POTEF: variants seen among roughly 807,000 people sequenced by gnomAD.
POTEF encodes the protein ANKRD26-like family C member 1B.
POTEF carries 20 observed loss-of-function variants against 83.2 expected under a neutral mutation model. The observed-to-expected ratio is 0.24, with a 90% CI of 0.17 to 0.35. The LOEUF (loss-of-function observed/expected upper bound fraction) is 0.35, where lower values mean the gene tolerates loss of function less well. POTEF is among the 10% of genes least tolerant of loss of function. POTEF has a pLI of 1.00. For synonymous variants in POTEF, 196 were observed against 446.4 expected (o/e 0.44, Z 7.07); for missense variants, 550 against 1,203.2 (o/e 0.46, Z 8.03).
intron 5 of POTEF, among the ~76,000 whole-genome samples, chr2:130,113,222 A>G (rs1302677839): frequency 6.2e-5 from 4 of 64,982 alleles, no homozygotes; most frequent in Admixed American, 1.8e-4. Flanking sequence ...ATCTCTACTG[A>G]AAAAAAAAAA....
intron 8 of POTEF, chr2:130,107,660 G>A (rs1287530213): frequency 8.9e-5 from 28 of 316,364 alleles, no homozygotes; most frequent in Non-Finnish European, 1.5e-4. Context: ...GAACCCTGTT[G>A]TGAACTGCCC....
chr2:130,104,309 A>G lies in POTEF; in HGVS notation c.1127-2129T>C, dbSNP rs576631710. Among the ~76,000 whole-genome samples the G allele has an allele frequency of 3.4e-4, 49 of 143,202 alleles. 1 individual carries two copies. Among genetic ancestry groups the G allele is most frequent in the Admixed American group, 2.9e-3 (41 of 14,240 alleles). The allele number at this position is 143,202 out of a possible 152,430, so 93.9% of individuals were successfully genotyped here. A position where few individuals can be genotyped will look rare whatever the true frequency, so the allele number is the denominator to read the frequency against. ...CAGAGCTGTGACAATAAAGCAAAGAAACCACATTGTGTTTGAGTCAGCAAT... is the reference window on the plus strand; with the variant it reads ...CAGAGCTGTGACAATAAAGCAAAGAGACCACATTGTGTTTGAGTCAGCAAT... On this transcript the variant is annotated intron_variant, in intron 8 of 16. Transcript: ENST00000409914.
chr2:130,119,132 T>C (rs1684927037), intron 3 of POTEF, among the ~76,000 whole-genome samples: 1 of 151,544 alleles, frequency 6.6e-6, no homozygotes, highest in African/African-American at 2.4e-5. Context: ...TTATTTGGCT[T>C]AGGTAAAAGT....
rs57173649 is a variant in POTEF, at chr2:130,127,324, CAAAAAA to C, written c.-94+379_-94+384del. Among the ~76,000 whole-genome samples, 7 of 12,448 alleles carry C rather than the reference CAAAAAA, an allele frequency of 5.6e-4. No homozygotes were observed. In the East Asian group the frequency reaches 0.019, roughly 35 times the overall value. The allele number at this position is 12,448 out of a possible 152,430, so 8.2% of individuals were successfully genotyped here. On this transcript the variant is annotated intron_variant, in intron 2 of 16. Coordinates refer to ENST00000409914, the MANE Select transcript of POTEF (RefSeq NM_001099771.2). ...TGGGCAAAAGAGCGAGACTCTGTCT[CAAAAAA>C]AAAAAAAAAAAAAAAAAAAAAGCCA...
chr2:130,110,376 C>G (rs981660754), intron 7 of POTEF, among the ~76,000 whole-genome samples, 167 bp downstream of exon 7: 1 of 151,128 alleles, frequency 6.6e-6, no homozygotes, highest in African/African-American at 2.5e-5. Context: ...TCTAACTTGT[C>G]TTGCTTTTTG....
intron 2 of POTEF, among the ~76,000 whole-genome samples, chr2:130,127,046 G>A (rs1160651330): frequency 6.6e-6 from 1 of 151,976 alleles, no homozygotes; most frequent in Non-Finnish European, 1.5e-5. Context: ...AAATGGCCGG[G>A]AGTGGTGGCT....
chr2:130,105,368 C>T (rs1478267879), intron 8 of POTEF, among the ~76,000 whole-genome samples: 1 of 151,384 alleles, frequency 6.6e-6, no homozygotes, highest in African/African-American at 2.4e-5. Flanking sequence ...TCACTAAGGA[C>T]GGGTGAAAAC....
In POTEF at chr2:130,075,195, C is replaced by G. The variant is rs764812843; in HGVS notation, c.2277G>C (p.Gln759His). The G allele has an allele frequency of 6.2e-7, 1 of 1,612,714 alleles. No homozygotes were observed. The highest frequency in any genetic ancestry group is 1.3e-5 in the African/African-American group (1 of 74,612). The change falls in exon 17 of 17, where the codon CAG becomes CAC. Residue 759 changes from glutamine to histidine, a missense_variant. By Grantham distance (24) the Gln-to-His change is conservative. Coordinates refer to ENST00000409914, the MANE Select transcript of POTEF (RefSeq NM_001099771.2). Reference protein sequence around the residue: ...QKESYVGKEAQSKRGILTLKY... With the variant: ...QKESYVGKEAHSKRGILTLKY... ...TCAGGGTCAGGATGCCTCTTTTGCT[C>G]TGGGCCTCCTTGCCCACATAGGACT...
At chr2:130,075,683 G>A (rs1683780313) in intron 16 of POTEF, 111 bp from the exon 17 acceptor site, 5 of 1,379,980 alleles carry the variant, frequency 3.6e-6, no homozygotes, top group Non-Finnish European at 2.9e-6. Flanking sequence ...TCCCCATAGT[G>A]GATATTTAAC....
chr2:130,075,107 T>C lies in POTEF; in HGVS notation c.2365A>G (p.Thr789Ala). ...GCCACACGCAGCTCGTTGTAGAAGG[T>C]GTGGTGCCAGATCTTCTCCATGTCA... Reference protein sequence around the residue: ...WDDMEKIWHHTFYNELRVAPE... With the variant: ...WDDMEKIWHHAFYNELRVAPE... Residue 789 changes from threonine (T) to alanine (A), a missense_variant, in exon 17 of 17, where the codon ACC becomes GCC. Physicochemically the swap from Thr to Ala is moderately conservative, Grantham distance 58. Coordinates refer to ENST00000409914, the MANE Select transcript of POTEF (RefSeq NM_001099771.2). 1 of 1,613,678 alleles carries C rather than the reference T, an allele frequency of 6.2e-7. No homozygotes were observed. The highest frequency in any genetic ancestry group is 8.5e-7 in the Non-Finnish European group (1 of 1,179,936).
At chr2:130,128,872 C>CCG (rs1301331164) in intron 1 of POTEF, among the ~76,000 whole-genome samples, 200 bp downstream of exon 1, 87 of 126,154 alleles carry the variant, frequency 6.9e-4, no homozygotes, top group Non-Finnish European at 1.3e-3. Context: ...CCTGCCTCCC[C>CCG]CCCATCACCC....
chr2:130,101,347 T>C (rs1490935178), intron 9 of POTEF, among the ~76,000 whole-genome samples: 2 of 149,722 alleles, frequency 1.3e-5, no homozygotes, highest in Admixed American at 1.3e-4. Flanking sequence ...TATATTCTAA[T>C]GTGTACTAAT....
At chr2:130,114,148 C>G (rs1174861333) in intron 5 of POTEF, among the ~76,000 whole-genome samples, 1 of 150,478 alleles carries the variant, frequency 6.6e-6, no homozygotes, top group Non-Finnish European at 1.5e-5. Flanking sequence ...CACTGCCAAT[C>G]TGGTTCCTCA....
At position 130,074,616 on chromosome 2, in the gene POTEF, G is replaced by A. The variant is rs199759858; in HGVS notation, c.2856C>T (p.Asn952=). 3.8e-3 allele frequency: 6,054 copies of A among 1,576,468 alleles called. 5 individuals carry two copies. The highest frequency in any genetic ancestry group is 4.5e-3 in the Non-Finnish European group (5,220 of 1,168,586). ...LPDGQVITIG[N]ERFRCPEALF... ...GCGCCTCGGGGCAGCGGAACCGCTC[G>A]TTGCCGATGGTGATGACCTGGCCAT... is the stretch of plus-strand genomic sequence containing the variant. Residue 952 remains asparagine, a synonymous_variant, in exon 17 of 17, where the codon AAC becomes AAT. Transcript: ENST00000409914.
At chr2:130,083,395 C>G (rs866532700) in intron 15 of POTEF, among the ~76,000 whole-genome samples, 1 of 150,676 alleles carries the variant, frequency 6.6e-6, no homozygotes, top group African/African-American at 2.5e-5. Context: ...CAACAATGTC[C>G]AAAAGGAGAA....
chr2:130,075,039 G>C lies in POTEF; in HGVS notation c.2433C>G (p.Asn811Lys). Residue 811 changes from asparagine to lysine, a missense_variant, in exon 17 of 17, where the codon AAC becomes AAG. Transcript: ENST00000409914. Reference sequence around the variant, plus strand: ...TCATCTTCTCGCGGTTGGCCTTAGGGTTCAGGGTGGCCTCGGTCAGCAGGA... The same window carrying C: ...TCATCTTCTCGCGGTTGGCCTTAGGCTTCAGGGTGGCCTCGGTCAGCAGGA... Reference protein sequence around the residue: ...HPVLLTEATLNPKANREKMTQ... With the variant: ...HPVLLTEATLKPKANREKMTQ... 6.2e-7 allele frequency: 1 copy of C among 1,613,766 alleles called. No individual in the cohort carries two copies. Among genetic ancestry groups the C allele is most frequent in the Non-Finnish European group, 8.5e-7 (1 of 1,179,944 alleles).
Position 130,127,855 on chromosome 2 carries a change from C to T in POTEF, c.-240G>A, listed in dbSNP as rs1195994190. 6.7e-6 allele frequency: 1 copy of T among 149,322 alleles called. No individual in the cohort carries two copies. The highest frequency in any genetic ancestry group is 2.5e-5 in the African/African-American group (1 of 39,748). The allele number at this position is 149,322 out of a possible 1,614,324, so 9.2% of individuals were successfully genotyped here. The stretch of plus-strand genomic sequence containing the variant: ...GCTTGGAGCAGCTAGACGGGCAAAG[C>T]CAGAAAAGCCTAGAATGGGATGCAG... On this transcript the variant is annotated 5_prime_UTR_variant, in exon 2 of 17. An upstream open reading frame in the 5' UTR gains an earlier in-frame stop. Coordinates refer to ENST00000409914, the MANE Select transcript of POTEF (RefSeq NM_001099771.2).
intron 11 of POTEF, among the ~76,000 whole-genome samples, chr2:130,096,222 AG>A: frequency 8.2e-5 from 1 of 12,242 alleles, no homozygotes; most frequent in African/African-American, 4.2e-4. Flanking sequence ...ATTGATGAAA[AG>A]GGAAGTTTTT....
intron 3 of POTEF, among the ~76,000 whole-genome samples, chr2:130,119,296 C>T (rs6717135): frequency 0.66 from 99,673 of 151,174 alleles, 33,432 homozygotes; most frequent in African/African-American, 0.76. Context: ...CCTGAGTAGC[C>T]GGGACTACAG....
Sources: gnomAD v4.1 joint callset for allele counts (sites outside exome capture counted in the v4.1 genomes callset) on GRCh38, gnomAD v4.1.1 for gene constraint, MANE v1.5 for transcripts, NCBI Gene and HGNC (gene_info 2026-07-23, HGNC 2026-07-21) for gene names.